IP6K1: variants seen among roughly 807,000 people sequenced by gnomAD.
IP6K1 encodes inositol hexakisphosphate kinase 1.
Under a neutral mutation model 38.3 loss-of-function variants are expected in IP6K1, and 13 were observed. The ratio of observed to expected loss-of-function variants is 0.34; its 90% CI spans 0.22 to 0.54. The LOEUF is 0.54. Ranked by LOEUF, IP6K1 falls within the 20% of genes least tolerant of loss-of-function variation. The probability of loss-of-function intolerance (pLI) is 0.92; values close to 1 mark genes in which losing one functional copy is unlikely to be tolerated. For synonymous variants in IP6K1, 212 were observed against 229.9 expected, an observed-to-expected ratio of 0.92 and a Z score of 0.70; for missense variants, 397 against 599.8, an observed-to-expected ratio of 0.66 and a Z score of 3.53.
chr3:49,772,989 A>G (rs1365353822), intron 1 of IP6K1, among the ~76,000 whole-genome samples: 1 of 151,766 alleles, frequency 6.6e-6, no homozygotes, highest in Non-Finnish European at 1.5e-5. Flanking sequence ...ATGCCCAGCT[A>G]ATTGTTTATT....
intron 1 of IP6K1, among the ~76,000 whole-genome samples, chr3:49,754,593 T>C (rs1208464242): frequency 6.6e-6 from 1 of 151,480 alleles, no homozygotes; most frequent in Non-Finnish European, 1.5e-5. Flanking sequence ...AGAAATCATA[T>C]GAGTTTTTTT....
In IP6K1 at chr3:49,734,149, T is replaced by TAATAA. The variant is rs566893601; in HGVS notation, c.435-1182_435-1178dup. 3.0e-3 allele frequency among the ~76,000 whole-genome samples: 457 copies of TAATAA among 151,862 alleles called. 6 individuals are homozygous for TAATAA. Among genetic ancestry groups the TAATAA allele is most frequent in the African/African-American group, 0.011 (444 of 41,398 alleles). On this transcript the variant is annotated intron_variant, in intron 3 of 5. Transcript: ENST00000321599. ...AGACCATGTCTTAAAAATAAATAAATAATAAAATAAAATAAATAAAACCAC... is the reference window on the plus strand; with the variant it reads ...AGACCATGTCTTAAAAATAAATAAATAATAAAATAAAATAAAATAAATAAAACCAC...
intron 1 of IP6K1, among the ~76,000 whole-genome samples, chr3:49,757,175 G>A (rs1293041536): frequency 6.6e-6 from 1 of 152,218 alleles, no homozygotes. Context: ...CAAAGCTGAA[G>A]AGAGAAGCTT....
chr3:49,748,828 T>C (rs2080746237), intron 1 of IP6K1: 1 of 152,260 alleles, frequency 6.6e-6, no homozygotes, highest in East Asian at 1.9e-4. Context: ...GTATTTCTAT[T>C]ACTACATTGT....
chr3:49,751,573 C>T (rs1183777862), intron 1 of IP6K1, among the ~76,000 whole-genome samples: 1 of 152,122 alleles, frequency 6.6e-6, no homozygotes, highest in Non-Finnish European at 1.5e-5. Context: ...TGGTTGCCTG[C>T]ATAACGTCTT....
chr3:49,765,564 C>G (rs2080903859), intron 1 of IP6K1, among the ~76,000 whole-genome samples: 2 of 145,986 alleles, frequency 1.4e-5, no homozygotes. Flanking sequence ...GCAGAAGAAT[C>G]ACTTGAACAT....
chr3:49,764,699 C>T (rs995386814), intron 1 of IP6K1, among the ~76,000 whole-genome samples: 4 of 151,930 alleles, frequency 2.6e-5, no homozygotes, highest in Non-Finnish European at 5.9e-5. Context: ...GCCAACATGG[C>T]ACAATCCCAT....
At chr3:49,782,947 TAAAAA>T (rs751486214) in intron 1 of IP6K1, among the ~76,000 whole-genome samples, 1 of 60,156 alleles carries the variant, frequency 1.7e-5, no homozygotes. Context: ...CCGGCTCTAC[TAAAAA>T]AAAAAAAAAA....
intron 3 of IP6K1, among the ~76,000 whole-genome samples, chr3:49,734,565 CCA>C (rs1418101603): frequency 1.5e-4 from 13 of 88,614 alleles, no homozygotes; most frequent in Admixed American, 7.4e-4. Context: ...CTAACCCTCT[CCA>C]AGGGTCAGCT....
intron 1 of IP6K1, chr3:49,749,027 T>A (rs2080748307): frequency 6.6e-6 from 1 of 152,202 alleles, no homozygotes; most frequent in African/African-American, 2.4e-5. Flanking sequence ...ATAGGGTTCA[T>A]GCTCCTATGA....
chr3:49,769,287 TAAA>T (rs2080936975), intron 1 of IP6K1, among the ~76,000 whole-genome samples: 1 of 152,106 alleles, frequency 6.6e-6, no homozygotes, highest in South Asian at 2.1e-4. Context: ...TATATGGTAA[TAAA>T]AAGAAACTGT....
intron 1 of IP6K1, among the ~76,000 whole-genome samples, chr3:49,780,155 C>G (rs553109293): frequency 4.6e-5 from 7 of 152,110 alleles, no homozygotes; most frequent in African/African-American, 1.7e-4. Flanking sequence ...CAAAAGAGAT[C>G]AGCAGATTTT....
intron 1 of IP6K1, chr3:49,758,790 C>T (rs928177456): frequency 6.6e-6 from 1 of 152,098 alleles, no homozygotes; most frequent in African/African-American, 2.4e-5. Context: ...GGTGAAACCT[C>T]ATCTCTACTA....
chr3:49,755,096 CTTTTTT>C (rs559780072), intron 1 of IP6K1, among the ~76,000 whole-genome samples: 4 of 111,944 alleles, frequency 3.6e-5, no homozygotes, highest in Non-Finnish European at 7.5e-5. Context: ...CCAAGCCTGG[CTTTTTT>C]TTTTTTTTTT....
chr3:49,780,499 G>GTACT (rs1318013046), intron 1 of IP6K1, among the ~76,000 whole-genome samples: 2 of 152,124 alleles, frequency 1.3e-5, no homozygotes, highest in Non-Finnish European at 2.9e-5. Context: ...AAACAAGAGT[G>GTACT]TACTGTGCGT....
At chr3:49,775,393 C>A in intron 1 of IP6K1, 1 of 365,530 alleles carries the variant, frequency 2.7e-6, no homozygotes, top group East Asian at 5.5e-5. Context: ...TGACTTTGTG[C>A]GTCCCTGCAC....
At position 49,728,289 on chromosome 3, in the gene IP6K1, G is replaced by A; in HGVS notation, c.617-11C>T. 6.2e-7 allele frequency: 1 copy of A among 1,609,562 alleles called. No homozygotes were observed. Among genetic ancestry groups the A allele is most frequent in the South Asian group, 1.1e-5 (1 of 91,016 alleles). On this transcript the variant is annotated splice_polypyrimidine_tract_variant and intron_variant, in intron 4 of 5. Transcript: ENST00000321599. The stretch of plus-strand genomic sequence containing the variant: ...CAAGCAGGAGGAACTCTGGGCCACG[G>A]TCAAGGAGAATGACAACCACACTCA...
rs1429606107 is a variant in IP6K1, at chr3:49,725,062, C to T, written c.*2060G>A. On this transcript the variant is annotated 3_prime_UTR_variant, in exon 6 of 6. Transcript: ENST00000321599. The stretch of plus-strand genomic sequence containing the variant: ...CTACCATTAAATAACAGGGCTGGGT[C>T]TCCAGGTGTCCAAAGTGCTGAAAAG... The T allele has an allele frequency of 6.6e-6, 1 of 152,620 alleles. No homozygotes were observed. The highest frequency in any genetic ancestry group is 1.9e-4 in the East Asian group (1 of 5,188). The allele number at this position is 152,620 out of a possible 1,614,324, so 9.5% of individuals were successfully genotyped here.
chr3:49,753,209 G>A (rs2080794311), intron 1 of IP6K1, among the ~76,000 whole-genome samples: 1 of 152,016 alleles, frequency 6.6e-6, no homozygotes, highest in Non-Finnish European at 1.5e-5. Context: ...TGGCCTTCAT[G>A]ATGTTCCTCA....
Sources: gnomAD v4.1 joint callset for allele counts (sites outside exome capture counted in the v4.1 genomes callset) on GRCh38, gnomAD v4.1.1 for gene constraint, MANE v1.5 for transcripts, NCBI Gene and HGNC (gene_info 2026-07-23, HGNC 2026-07-21) for gene names.